DNMT3A: variants seen among roughly 807,000 people sequenced by gnomAD.
The protein encoded by DNMT3A is DNA (cytosine-5)-methyltransferase 3A.
Under a neutral mutation model 117.6 loss-of-function variants are expected in DNMT3A, and 267 were observed. The ratio of observed to expected loss-of-function variants is 2.27; its 90% CI spans 2.05 to 2.51. The LOEUF (loss-of-function observed/expected upper bound fraction) is 2.51. Among genes scored for constraint, DNMT3A ranks in the 30% most tolerant of loss-of-function variants. DNMT3A has a pLI of 0.00. For missense variants in DNMT3A, 1,029 were observed against 1,260.2 expected, an observed-to-expected ratio of 0.82 and a Z score of 2.78; for synonymous variants, 432 against 474.8, an observed-to-expected ratio of 0.91 and a Z score of 1.17.
In DNMT3A at chr2:25,244,308, C is replaced by CAAGA; in HGVS notation, c.1694_1697dup (p.Leu566PhefsTer13). 6.2e-7 allele frequency: 1 copy of CAAGA among 1,610,322 alleles called. No homozygotes were observed. Among genetic ancestry groups the CAAGA allele is most frequent in the Non-Finnish European group, 8.5e-7 (1 of 1,178,496 alleles). ...CTGCCTGGGCAGCCCCCGGCCCCAC[C>CAAGA]AAGAGGTCCACACACTCCACGCAAA... On this transcript the variant is annotated frameshift_variant, in exon 15 of 23. Transcript: ENST00000321117. LOFTEE classifies it high-confidence loss of function.
At chr2:25,319,485 G>T (rs55893683) in intron 1 of DNMT3A, among the ~76,000 whole-genome samples, 1 of 152,222 alleles carries the variant, frequency 6.6e-6, no homozygotes, top group African/African-American at 2.4e-5. Context: ...GAGGCCTCAC[G>T]CTCCTTTCCC....
chr2:25,240,572 T>C, intron 18 of DNMT3A, 68 bp downstream of exon 18: 1 of 1,602,974 alleles, frequency 6.2e-7, no homozygotes, highest in Non-Finnish European at 8.5e-7. Context: ...AGGGCAGAAA[T>C]ATCCAAGGAG....
intron 3 of DNMT3A, among the ~76,000 whole-genome samples, chr2:25,292,443 A>C (rs1475454483): frequency 6.6e-6 from 1 of 152,192 alleles, no homozygotes; most frequent in African/African-American, 2.4e-5. Flanking sequence ...TTCTGTTTTC[A>C]ATTTCTGCCA....
At chr2:25,342,566 C>G (rs940001761), upstream of DNMT3A, 1 of 152,486 alleles carries the variant, frequency 6.6e-6, no homozygotes, top group African/African-American at 2.4e-5. This position sits in a 1 kb window ranked among gnomAD's most constrained non-coding sequence, Gnocchi z 5.9. Context: ...CTGCAGTTCT[C>G]CCGACCTCCG....
chr2:25,261,115 G>A (rs897666178), intron 6 of DNMT3A, among the ~76,000 whole-genome samples: 1 of 152,092 alleles, frequency 6.6e-6, no homozygotes, highest in East Asian at 1.9e-4. Flanking sequence ...CCAACATGGT[G>A]AAAACCCATC....
Position 25,261,424 on chromosome 2 carries a change from G to A in DNMT3A, c.640-13172C>T, listed in dbSNP as rs1676591919. On this transcript the variant is annotated intron_variant, in intron 6 of 22. Transcript: ENST00000321117. ...ACTGCACTCCAGCCTGGGTGACAGA[G>A]TGAGACTCTGTCTCAAAAAAAAAAA... Among the ~76,000 whole-genome samples, 6 of 129,960 alleles carry A rather than the reference G, an allele frequency of 4.6e-5. No homozygotes were observed. The South Asian group carries it at 1.7e-3, about 38-fold the overall frequency. The allele number at this position is 129,960 out of a possible 152,430, so 85.3% of individuals were successfully genotyped here. A position where few individuals can be genotyped will look rare whatever the true frequency, so the allele number is the denominator to read the frequency against.
chr2:25,291,023 G>A (rs1366846125), intron 3 of DNMT3A, among the ~76,000 whole-genome samples: 1 of 152,146 alleles, frequency 6.6e-6, no homozygotes, highest in Admixed American at 6.5e-5. Context: ...ACTCTTCACC[G>A]TCACGTGCAC....
intron 2 of DNMT3A, among the ~76,000 whole-genome samples, chr2:25,303,743 G>T (rs567807585): frequency 6.6e-6 from 1 of 152,246 alleles, no homozygotes; most frequent in African/African-American, 2.4e-5. Flanking sequence ...ACTCTTCCGC[G>T]ATGGAGTCTT....
At chr2:25,336,469 C>T (rs1411356997) in intron 1 of DNMT3A, among the ~76,000 whole-genome samples, 1 of 152,146 alleles carries the variant, frequency 6.6e-6, no homozygotes, top group Non-Finnish European at 1.5e-5. Flanking sequence ...CAGACCTGAC[C>T]CTGGCCTCCC....
chr2:25,245,528 C>T (rs970353832), intron 12 of DNMT3A, among the ~76,000 whole-genome samples, 196 bp from the exon 13 acceptor site: 17 of 152,254 alleles, frequency 1.1e-4, no homozygotes, highest in African/African-American at 4.1e-4. Flanking sequence ...GCACCAATGC[C>T]ACCATCCACA....
At chr2:25,240,508 G>A in intron 18 of DNMT3A, 58 bp from the exon 19 acceptor site, 1 of 1,579,670 alleles carries the variant, frequency 6.3e-7, no homozygotes, top group Non-Finnish European at 8.6e-7. Flanking sequence ...ACAGTGGTGT[G>A]GCTCGGGCAC....
chr2:25,332,118 C>T (rs2035035247), intron 1 of DNMT3A, among the ~76,000 whole-genome samples: 1 of 152,246 alleles, frequency 6.6e-6, no homozygotes, highest in Admixed American at 6.5e-5. Context: ...CCCCTAAACC[C>T]TATTGCCCGA....
At chr2:25,246,441 GCCAA>G in intron 10 of DNMT3A, 132 bp from the exon 11 acceptor site, 1 of 1,435,800 alleles carries the variant, frequency 7.0e-7, no homozygotes, top group African/African-American at 1.4e-5. Flanking sequence ...TACGGTTCTA[GCCAA>G]CCAACAGAGA....
chr2:25,289,836 C>T (rs183762475), intron 3 of DNMT3A, among the ~76,000 whole-genome samples: 9 of 152,360 alleles, frequency 5.9e-5, no homozygotes, highest in African/African-American at 1.9e-4. Flanking sequence ...CCAGCCCTGC[C>T]GCCGCCTCCT....
chr2:25,290,319 G>GTTTTTTTTT (rs1215617022), intron 3 of DNMT3A, among the ~76,000 whole-genome samples: 1 of 134,502 alleles, frequency 7.4e-6, no homozygotes, highest in African/African-American at 3.0e-5. Flanking sequence ...TTATGGAAGT[G>GTTTTTTTTT]ATTTTTTTTT....
rs1672966719 is a variant in DNMT3A, at chr2:25,233,206, G to A, written c.*1073C>T. ...GAATCCCACTCTCAGCTGTCCACGG[G>A]CCCGACCACCTCATCTAGCCCCCTT... On this transcript the variant is annotated 3_prime_UTR_variant, in exon 23 of 23. Transcript: ENST00000321117. 1 of 233,666 alleles carries A rather than the reference G, an allele frequency of 4.3e-6. No homozygotes were observed. Among genetic ancestry groups the A allele is most frequent in the East Asian group, 6.0e-5 (1 of 16,708 alleles). The allele number at this position is 233,666 out of a possible 1,614,324, so 14.5% of individuals were successfully genotyped here.
chr2:25,239,639 G>T, intron 19 of DNMT3A: 1 of 471,398 alleles, frequency 2.1e-6, no homozygotes. Flanking sequence ...GAGAGCCCAG[G>T]CTCCAGCGAG....
rs1189777427 is a variant in DNMT3A, at chr2:25,298,840, C to CACCCCTG, written c.177+1298_177+1299insCAGGGGT. The stretch of plus-strand genomic sequence containing the variant: ...TTACCAGTAAAATGACTTCACTCCG[C>CACCCCTG]CCCCCTGCCCCCCGCCTCAAATCTT... On this transcript the variant is annotated intron_variant, in intron 3 of 22. Transcript: ENST00000321117. The surrounding 1 kb of genome is among the most constrained non-coding windows in gnomAD (Gnocchi z 4.3). 6.6e-6 allele frequency among the ~76,000 whole-genome samples: 1 copy of CACCCCTG among 152,044 alleles called. No homozygotes were observed. The highest frequency in any genetic ancestry group is 1.5e-5 in the Non-Finnish European group (1 of 68,012).
intron 6 of DNMT3A, among the ~76,000 whole-genome samples, chr2:25,264,553 C>T (rs369447023): frequency 9.1e-4 from 138 of 151,960 alleles, no homozygotes; most frequent in Admixed American, 2.0e-3. Context: ...CTGCAAGCTC[C>T]GCCTCCCGGG....
Sources: allele counts gnomAD v4.1 joint callset (sites outside exome capture counted in the v4.1 genomes callset), GRCh38; gene constraint gnomAD v4.1.1; non-coding constraint Gnocchi (gnomAD v3.1); transcripts MANE v1.5; gene names NCBI Gene and HGNC (gene_info 2026-07-23, HGNC 2026-07-21).